ARHGAP6: variants seen among roughly 807,000 people sequenced by gnomAD.
ARHGAP6 encodes the protein Rho GTPase activating protein 6.
A neutral mutation model predicts 55.7 loss-of-function variants in ARHGAP6; 16 were observed. The observed-to-expected ratio is 0.29, with a 90% confidence interval of 0.19 to 0.44. ARHGAP6 has a LOEUF of 0.44. Among genes scored for constraint, ARHGAP6 ranks in the 20% least tolerant of loss-of-function variants. The probability of loss-of-function intolerance (pLI) is 1.00; values close to 1 mark genes in which losing one functional copy is unlikely to be tolerated. For synonymous variants in ARHGAP6, 382 were observed against 360.9 expected (o/e 1.06, Z -0.66); for missense variants, 698 against 808.9 (o/e 0.86, Z 1.66).
At chrX:11,156,508 A>G (rs372113361) in intron 10 of ARHGAP6, 21 bp downstream of exon 10, 1 of 1,164,515 alleles carries the variant, frequency 8.6e-7, no homozygotes, top group South Asian at 1.8e-5. Context: ...GCTTTAGAAG[A>G]TGGAACACTG....
intron 1 of ARHGAP6, among the ~76,000 whole-genome samples, chrX:11,360,870 G>C (rs759087843): frequency 9.1e-6 from 1 of 109,958 alleles, no homozygotes; most frequent in East Asian, 2.8e-4. Context: ...ATAACAGAGA[G>C]AGAGCCAAAT....
At chrX:11,326,215 G>A (rs1362123249) in intron 1 of ARHGAP6, among the ~76,000 whole-genome samples, 2 of 106,130 alleles carry the variant, frequency 1.9e-5, no homozygotes, top group South Asian at 4.3e-4. Context: ...TGCAACCTCC[G>A]CCTCCTGGGT....
intron 1 of ARHGAP6, among the ~76,000 whole-genome samples, chrX:11,373,094 A>AACACACAC (rs71907621): frequency 1.0e-5 from 1 of 98,847 alleles, no homozygotes; most frequent in Non-Finnish European, 2.0e-5. Context: ...CACACACACA[A>AACACACAC]ACACACACAC....
rs376177635 is a variant in ARHGAP6, at chrX:11,664,333, T to G, written c.496A>C (p.Ile166Leu). ...AGCCACCTCCTAGGAGAAGCGAAGA[T>G]GCCATTGGGGCCTCCCCCGGATGAA... ...LCSSGGGPNG[I>L]FASPRRWLQQ... Residue 166 changes from isoleucine (I) to leucine (L), a missense_variant, in exon 1 of 13, where the codon ATC becomes CTC. Physicochemically the swap from Ile to Leu is conservative, Grantham distance 5. This residue lies in a region of ARHGAP6 where 164 missense variants were observed against 149.2 expected (regional missense o/e 1.10). Transcript: ENST00000337414. 6.6e-6 allele frequency: 8 copies of G among 1,210,965 alleles called. No homozygotes were observed. In the Admixed American group the frequency reaches 1.5e-4, roughly 23 times the overall value.
Position 11,142,324 on chromosome X carries a change from AGT to A in ARHGAP6, c.2177-13_2177-12del. ...GCTCCTCTGACAGATCTAGGGAAAA[AGT>A]GTATAAAAAGGTATATAACACAAAA... is the stretch of plus-strand genomic sequence containing the variant. On this transcript the variant is annotated splice_polypyrimidine_tract_variant and intron_variant, in intron 11 of 12. Transcript: ENST00000337414. 12 of 1,152,091 alleles carry A rather than the reference AGT, an allele frequency of 1.0e-5. No homozygotes were observed. The highest frequency in any genetic ancestry group is 1.4e-5 in the Non-Finnish European group (12 of 850,916). The allele number at this position is 1,152,091 out of a possible 1,213,427, so 94.9% of individuals were successfully genotyped here.
intron 1 of ARHGAP6, among the ~76,000 whole-genome samples, chrX:11,513,748 A>G (rs922687054): frequency 9.0e-6 from 1 of 111,027 alleles, no homozygotes; most frequent in Non-Finnish European, 1.9e-5. Flanking sequence ...ATTCTTTCCA[A>G]AGGAATGTGA....
intron 1 of ARHGAP6, among the ~76,000 whole-genome samples, chrX:11,617,785 G>T (rs1305580970): frequency 9.0e-6 from 1 of 111,422 alleles, no homozygotes; most frequent in Non-Finnish European, 1.9e-5. Flanking sequence ...GTTTTATAAG[G>T]TCGTGCTGCT....
chrX:11,626,267 A>G (rs982708171), intron 1 of ARHGAP6, among the ~76,000 whole-genome samples: 1 of 112,160 alleles, frequency 8.9e-6, no homozygotes, highest in Non-Finnish European at 1.9e-5. Flanking sequence ...ACTACTCAAG[A>G]GAAAACATAA....
chrX:11,392,376 T>C (rs1424967493), intron 1 of ARHGAP6, among the ~76,000 whole-genome samples: 1 of 111,504 alleles, frequency 9.0e-6, no homozygotes, highest in Non-Finnish European at 1.9e-5. Context: ...CCTGGGTTTT[T>C]CACCAGCTGT....
intron 1 of ARHGAP6, among the ~76,000 whole-genome samples, chrX:11,521,839 A>G (rs2050932026): frequency 9.0e-6 from 1 of 111,060 alleles, no homozygotes; most frequent in Admixed American, 9.6e-5. Context: ...TTCATTGAGC[A>G]GTGGTTTGTG....
chrX:11,254,849 A>T, intron 1 of ARHGAP6, 142 bp from the exon 2 acceptor site: 1 of 719,620 alleles, frequency 1.4e-6, no homozygotes, highest in Non-Finnish European at 1.9e-6. Context: ...CCAAAGTCAA[A>T]TCCTCTTTTA....
At chrX:11,226,327 T>C (rs186371702) in intron 2 of ARHGAP6, among the ~76,000 whole-genome samples, 4,684 of 110,785 alleles carry the variant, frequency 0.042, 130 homozygotes, top group Non-Finnish European at 0.068. Context: ...GAACTCATCC[T>C]TTTTTTTGGC....
intron 1 of ARHGAP6, among the ~76,000 whole-genome samples, chrX:11,451,185 G>A (rs985482303): frequency 8.9e-6 from 1 of 111,944 alleles, no homozygotes; most frequent in Non-Finnish European, 1.9e-5. Context: ...ACCCTTAACA[G>A]TTGCAGGAAT....
chrX:11,290,469 A>T (rs750548511), intron 1 of ARHGAP6: 1 of 356,921 alleles, frequency 2.8e-6, no homozygotes, highest in Non-Finnish European at 5.5e-6. Context: ...TGAAGATCAT[A>T]CAACTCCAAC....
chrX:11,636,439 G>C (rs2052420936), intron 1 of ARHGAP6, among the ~76,000 whole-genome samples: 1 of 111,388 alleles, frequency 9.0e-6, no homozygotes, highest in African/African-American at 3.3e-5. Context: ...CTATAAATCA[G>C]AGCACTTTTT....
chrX:11,599,191 T>C (rs1187676750), intron 1 of ARHGAP6, among the ~76,000 whole-genome samples: 3 of 112,180 alleles, frequency 2.7e-5, no homozygotes, highest in Non-Finnish European at 3.8e-5. Flanking sequence ...GTCTTGGCTA[T>C]TGTGAATAAT....
chrX:11,548,648 C>T (rs2051236188), intron 1 of ARHGAP6, among the ~76,000 whole-genome samples: 1 of 110,795 alleles, frequency 9.0e-6, no homozygotes, highest in South Asian at 3.9e-4. Flanking sequence ...TAGAGTCTCA[C>T]TCTAGGCTGT....
At chrX:11,478,739 A>C (rs2050427718) in intron 1 of ARHGAP6, among the ~76,000 whole-genome samples, 1 of 112,137 alleles carries the variant, frequency 8.9e-6, no homozygotes, top group Non-Finnish European at 1.9e-5. Context: ...TTGAGAGTTC[A>C]GCAGAGCTTG....
intron 1 of ARHGAP6, among the ~76,000 whole-genome samples, chrX:11,464,939 G>T (rs550947932): frequency 2.2e-4 from 25 of 111,859 alleles, no homozygotes; most frequent in African/African-American, 8.1e-4. Flanking sequence ...TCCAAGCCTA[G>T]AACAATCTTC....
Sources: gnomAD v4.1 joint callset for allele counts (sites outside exome capture counted in the v4.1 genomes callset) on GRCh38, gnomAD v4.1.1 for gene constraint, gnomAD v4.1.1 regional missense constraint, MANE v1.5 for transcripts, NCBI Gene and HGNC (gene_info 2026-07-23, HGNC 2026-07-21) for gene names.